The following VAT1L variants were observed in gnomAD, a reference collection of about 807,000 sequenced individuals.
The protein encoded by VAT1L is putative NADPH-dependent quinone oxidoreductase VAT1L.
Under a neutral mutation model 44.1 loss-of-function variants are expected in VAT1L, and 34 were observed. The ratio of observed to expected loss-of-function variants is 0.77; its 90% CI spans 0.59 to 1.03. The LOEUF (loss-of-function observed/expected upper bound fraction) is 1.03, where lower values mean the gene tolerates loss of function less well. VAT1L is among the 50% of genes least tolerant of loss of function. VAT1L has a pLI of 0.00. For missense variants in VAT1L, 615 were observed against 538.8 expected (o/e 1.14, Z -1.40); for synonymous variants, 253 against 202.2 (o/e 1.25, Z -2.13).
intron 7 of VAT1L, among the ~76,000 whole-genome samples, chr16:77,926,526 A>C (rs1305672129): frequency 6.6e-6 from 1 of 151,988 alleles, no homozygotes; most frequent in Non-Finnish European, 1.5e-5. Flanking sequence ...AGAGGTTGCC[A>C]TGAGCTGAGA....
At chr16:77,886,079 G>C (rs79668183) in intron 7 of VAT1L, among the ~76,000 whole-genome samples, 9,879 of 152,230 alleles carry the variant, frequency 0.065, 1,071 homozygotes, top group African/African-American at 0.22. Flanking sequence ...TCCAGAGAAG[G>C]ATAACATTGT....
At chr16:77,911,175 A>G (rs1346908653) in intron 7 of VAT1L, among the ~76,000 whole-genome samples, 1 of 152,248 alleles carries the variant, frequency 6.6e-6, no homozygotes, top group Non-Finnish European at 1.5e-5. Flanking sequence ...AATGAAAAAC[A>G]TAACCTCCAT....
At chr16:77,825,042 T>C (rs2016502616) in intron 2 of VAT1L, among the ~76,000 whole-genome samples, 1 of 151,854 alleles carries the variant, frequency 6.6e-6, no homozygotes, top group Non-Finnish European at 1.5e-5. Context: ...AATTTTTGTA[T>C]TTTTAGTAGA....
At chr16:77,797,748 C>T (rs1037259412) in intron 1 of VAT1L, among the ~76,000 whole-genome samples, 2 of 152,298 alleles carry the variant, frequency 1.3e-5, no homozygotes, top group African/African-American at 4.8e-5. Context: ...GCTCCTGGGA[C>T]TTCCTTTTCC....
At chr16:77,950,559 T>C (rs928162759) in intron 7 of VAT1L, among the ~76,000 whole-genome samples, 1 of 152,208 alleles carries the variant, frequency 6.6e-6, no homozygotes, top group Non-Finnish European at 1.5e-5. Flanking sequence ...ATATATTTTA[T>C]ATAGATAAGC....
chr16:77,918,406 G>C (rs780268748), intron 7 of VAT1L, among the ~76,000 whole-genome samples: 1 of 152,096 alleles, frequency 6.6e-6, no homozygotes, highest in Non-Finnish European at 1.5e-5. Context: ...CCCCCCAAAA[G>C]TCTCTTGAAT....
At chr16:77,901,153 CTTTTTTTTTTTT>C (rs538577571) in intron 7 of VAT1L, among the ~76,000 whole-genome samples, 125 of 90,062 alleles carry the variant, frequency 1.4e-3, no homozygotes, top group African/African-American at 5.9e-3. Context: ...AGTAGTTTAC[CTTTTTTTTTTTT>C]TTTTTTTTTT....
chr16:77,806,400 C>G (rs1269263040), intron 1 of VAT1L, among the ~76,000 whole-genome samples: 3 of 151,672 alleles, frequency 2.0e-5, no homozygotes, highest in Non-Finnish European at 4.4e-5. Flanking sequence ...TTAGTAGAGA[C>G]AGGTTTCACC....
chr16:77,943,237 A>G (rs1252425016), intron 7 of VAT1L, among the ~76,000 whole-genome samples: 1 of 147,736 alleles, frequency 6.8e-6, no homozygotes, highest in Non-Finnish European at 1.5e-5. Context: ...TTGTATTTTT[A>G]GTAGAGATGG....
intron 7 of VAT1L, among the ~76,000 whole-genome samples, chr16:77,956,730 G>A (rs773868704): frequency 5.9e-5 from 9 of 152,124 alleles, no homozygotes; most frequent in Non-Finnish European, 2.9e-5. Context: ...ACAAAGTGGG[G>A]GAGAACCGGC....
chr16:77,941,733 C>G (rs987238801), intron 7 of VAT1L, among the ~76,000 whole-genome samples: 1 of 152,088 alleles, frequency 6.6e-6, no homozygotes, highest in East Asian at 1.9e-4. Flanking sequence ...TTACAGGCAC[C>G]ATGCCACCAA....
At chr16:77,927,463 T>C (rs1386919629) in intron 7 of VAT1L, among the ~76,000 whole-genome samples, 3 of 152,220 alleles carry the variant, frequency 2.0e-5, no homozygotes, top group East Asian at 1.9e-4. Flanking sequence ...TCAAAACCAA[T>C]TGATCCATCT....
Position 77,815,352 on chromosome 16 carries a change from T to A in VAT1L, c.234-1569T>A, listed in dbSNP as rs1436339687. 2.0e-5 allele frequency among the ~76,000 whole-genome samples: 3 copies of A among 152,294 alleles called. No individual in the cohort carries two copies. In the East Asian group the frequency reaches 5.8e-4, roughly 29 times the overall value. On this transcript the variant is annotated intron_variant, in intron 1 of 8. Coordinates refer to ENST00000302536, the MANE Select transcript of VAT1L (RefSeq NM_020927.3). ...CTTCATTCAGCAGATGTTACTTGAG[T>A]CCCTGCTATATTACTTTGGGTCTGA...
chr16:77,822,367 C>G (rs1026294289), intron 2 of VAT1L, among the ~76,000 whole-genome samples: 2 of 152,148 alleles, frequency 1.3e-5, no homozygotes, highest in Non-Finnish European at 2.9e-5. Context: ...CTCCCGAGAC[C>G]TCAGCCTCCC....
chr16:77,825,181 C>G, intron 2 of VAT1L, 65 bp from the exon 3 acceptor site: 1 of 1,579,792 alleles, frequency 6.3e-7, no homozygotes, highest in East Asian at 2.2e-5. Flanking sequence ...CCCAGTAATT[C>G]TGTTCTCTCC....
intron 7 of VAT1L, among the ~76,000 whole-genome samples, chr16:77,945,277 A>ATTTTTTTTTTTTTTT (rs1567517602): frequency 2.2e-4 from 2 of 9,284 alleles, no homozygotes. Flanking sequence ...AGATTGCAGA[A>ATTTTTTTTTTTTTTT]CTTTTTTTTT....
At chr16:77,845,498 T>A (rs1465850778) in intron 3 of VAT1L, among the ~76,000 whole-genome samples, 3 of 152,188 alleles carry the variant, frequency 2.0e-5, no homozygotes, top group Non-Finnish European at 4.4e-5. Context: ...AACTCGTTCA[T>A]CTGACTTCCT....
At chr16:77,800,989 T>G (rs1193954892) in intron 1 of VAT1L, 2 of 152,104 alleles carry the variant, frequency 1.3e-5, no homozygotes, top group African/African-American at 4.8e-5. Context: ...CCACCACACC[T>G]GGTTAATTTT....
chr16:77,904,441 AT>A (rs2142479232), intron 7 of VAT1L, among the ~76,000 whole-genome samples: 1 of 152,262 alleles, frequency 6.6e-6, no homozygotes, highest in African/African-American at 2.4e-5. Flanking sequence ...GTGTCAGCTA[AT>A]TTGGTTCCTG....
Sources: allele counts gnomAD v4.1 joint callset (sites outside exome capture counted in the v4.1 genomes callset), GRCh38; gene constraint gnomAD v4.1.1; transcripts MANE v1.5; gene names NCBI Gene and HGNC (gene_info 2026-07-23, HGNC 2026-07-21).